The following DMD variants were observed in gnomAD, a reference collection of about 807,000 sequenced individuals.
DMD encodes the protein mutant dystrophin.
In DMD, 63 loss-of-function variants were observed where a neutral mutation model predicts 330.1. That is an observed-to-expected ratio of 0.19 (90% CI 0.16 to 0.24). DMD has a LOEUF of 0.24. Ranked by LOEUF, DMD falls within the 10% of genes least tolerant of loss-of-function variation. The pLI, the probability that DMD is intolerant of heterozygous loss-of-function variation, is 1.00. For missense variants in DMD, 3,344 were observed against 2,684.1 expected, an observed-to-expected ratio of 1.25 and a Z score of -5.43; for synonymous variants, 1,223 against 959.8, an observed-to-expected ratio of 1.27 and a Z score of -5.07.
chrX:32,440,868 G>C (rs1012676057), intron 28 of DMD, among the ~76,000 whole-genome samples: 1 of 111,295 alleles, frequency 9.0e-6, no homozygotes, highest in African/African-American at 3.3e-5. Flanking sequence ...CCCTAAAGCA[G>C]TGAGTTTGTT....
chrX:32,522,117 C>A (rs1373613192), intron 17 of DMD, among the ~76,000 whole-genome samples: 2 of 111,982 alleles, frequency 1.8e-5, no homozygotes, highest in Non-Finnish European at 3.8e-5. Context: ...TTTGTTACAG[C>A]AAACCAACTA....
intron 30 of DMD, among the ~76,000 whole-genome samples, chrX:32,404,835 ATGAAT>A (rs772956551): frequency 8.9e-6 from 1 of 111,971 alleles, no homozygotes; most frequent in Non-Finnish European, 1.9e-5. Flanking sequence ...TTAGAAAAAA[ATGAAT>A]TGAAGAAAGC....
intron 67 of DMD, among the ~76,000 whole-genome samples, chrX:31,196,897 A>T (rs2042961716): frequency 9.4e-6 from 1 of 106,687 alleles, no homozygotes; most frequent in Non-Finnish European, 1.9e-5. Context: ...AATGCTGTCT[A>T]ACCAGCCAAA....
At chrX:32,288,957 G>A (rs189777954) in intron 42 of DMD, among the ~76,000 whole-genome samples, 3 of 111,530 alleles carry the variant, frequency 2.7e-5, no homozygotes, top group African/African-American at 9.8e-5. Context: ...ATAAAAACCT[G>A]GATCAGTATT....
intron 44 of DMD, among the ~76,000 whole-genome samples, chrX:32,121,524 C>T (rs368713273): frequency 2.7e-4 from 28 of 102,534 alleles, no homozygotes; most frequent in East Asian, 2.2e-3. Context: ...AGTTAGGGGA[C>T]GACAAAAAGT....
intron 60 of DMD, among the ~76,000 whole-genome samples, chrX:31,404,919 A>G (rs1415991957): frequency 8.9e-6 from 1 of 112,353 alleles, no homozygotes; most frequent in Non-Finnish European, 1.9e-5. Context: ...CGAACAGAAC[A>G]TTATTATGAA....
rs754706072 is a variant in DMD, at chrX:32,644,140, T to C, written c.1323A>G (p.Lys441=). 7 of 1,205,375 alleles carry C rather than the reference T, an allele frequency of 5.8e-6. No homozygotes were observed. In the Admixed American group the frequency reaches 8.8e-5, roughly 15 times the overall value. The stretch of plus-strand genomic sequence containing the variant: ...AACAAATAAGGACTTACTTGCTTTG[T>C]TTTTCCATGCTAGCTACCCTGAGGC... The part of the protein sequence containing the change: ...WECLRVASME[K]QSNLHRVLMD... Residue 441 remains lysine, a synonymous_variant, in exon 11 of 79, where the codon AAA becomes AAG. Coordinates refer to ENST00000357033, the MANE Select transcript of DMD (RefSeq NM_004006.3).
intron 60 of DMD, among the ~76,000 whole-genome samples, chrX:31,368,802 A>G (rs1168241275): frequency 9.0e-6 from 1 of 110,503 alleles, no homozygotes; most frequent in Non-Finnish European, 1.9e-5. Context: ...TGTGCCACCA[A>G]GCCCAGCTAA....
chrX:31,506,792 T>C (rs763119481), intron 56 of DMD, among the ~76,000 whole-genome samples: 7 of 112,301 alleles, frequency 6.2e-5, no homozygotes, highest in Non-Finnish European at 1.1e-4. Flanking sequence ...AGTCTCTCTT[T>C]AACTGTAGGA....
intron 55 of DMD, among the ~76,000 whole-genome samples, chrX:31,617,324 C>A (rs1228896836): frequency 9.0e-6 from 1 of 110,639 alleles, no homozygotes; most frequent in Admixed American, 9.5e-5. Context: ...CACCTGAGGT[C>A]AGGAGTTTGC....
At chrX:32,604,224 T>C (rs762486689) in intron 12 of DMD, among the ~76,000 whole-genome samples, 7 of 110,078 alleles carry the variant, frequency 6.4e-5, no homozygotes, top group Non-Finnish European at 1.1e-4. Flanking sequence ...CATAACACAA[T>C]ATATGTTTTG....
chrX:32,541,396 A>C (rs1341357808), intron 17 of DMD, among the ~76,000 whole-genome samples: 7 of 111,411 alleles, frequency 6.3e-5, no homozygotes, highest in African/African-American at 2.3e-4. Flanking sequence ...GAATCGAACC[A>C]CTGCATTTAT....
At chrX:31,997,858 G>C (rs2095599384) in intron 44 of DMD, among the ~76,000 whole-genome samples, 1 of 111,645 alleles carries the variant, frequency 9.0e-6, no homozygotes. Flanking sequence ...CCCTAAAAAG[G>C]ATTTCCTGGC....
rs1191335690 is a variant in DMD, at chrX:32,536,264, C to CAAAAAAAAAAAA, written c.2168+8883_2168+8894dup. ...TGGCAACAGAGTGAGACTCCGTCTC[C>CAAAAAAAAAAAA]AAAAAAAAAAAAAAAAAAAAAAAAC... On this transcript the variant is annotated intron_variant, in intron 17 of 78. Coordinates refer to ENST00000357033, the MANE Select transcript of DMD (RefSeq NM_004006.3). Among the ~76,000 whole-genome samples the CAAAAAAAAAAAA allele has an allele frequency of 1.6e-3, 58 of 36,343 alleles. 8 individuals are homozygous for CAAAAAAAAAAAA. Among genetic ancestry groups the CAAAAAAAAAAAA allele is most frequent in the African/African-American group, 6.7e-3 (56 of 8,375 alleles). The allele number at this position is 36,343 out of a possible 115,157, so 31.6% of individuals were successfully genotyped here. A position where few individuals can be genotyped will look rare whatever the true frequency, so the allele number is the denominator to read the frequency against.
intron 1 of DMD, among the ~76,000 whole-genome samples, chrX:33,217,974 A>G (rs757799886): frequency 9.0e-5 from 10 of 111,445 alleles, no homozygotes; most frequent in Non-Finnish European, 1.5e-4. Context: ...ACTATGAATA[A>G]TAGTAGGGCT....
At chrX:33,207,819 T>C (rs765221076) in intron 1 of DMD, among the ~76,000 whole-genome samples, 4 of 111,634 alleles carry the variant, frequency 3.6e-5, no homozygotes, top group Non-Finnish European at 7.5e-5. Flanking sequence ...AAGATCAGTA[T>C]ACTGCATTGA....
At chrX:32,249,688 C>A (rs768608297) in intron 43 of DMD, among the ~76,000 whole-genome samples, 1 of 111,901 alleles carries the variant, frequency 8.9e-6, no homozygotes, top group African/African-American at 3.2e-5. Context: ...ACTCACTTAT[C>A]CCTGGAAAAG....
intron 18 of DMD, chrX:32,517,490 C>A (rs959579283): frequency 8.9e-6 from 1 of 112,839 alleles, no homozygotes; most frequent in African/African-American, 3.2e-5. Flanking sequence ...GGCTGGACAC[C>A]TTTTAGATAA....
At chrX:31,831,654 A>T (rs748960933) in intron 49 of DMD, among the ~76,000 whole-genome samples, 1 of 111,494 alleles carries the variant, frequency 9.0e-6, no homozygotes, top group South Asian at 3.8e-4. Context: ...GCTGGAGTGC[A>T]GTGGCGTGAT....
Sources: gnomAD v4.1 joint callset for allele counts (sites outside exome capture counted in the v4.1 genomes callset) on GRCh38, gnomAD v4.1.1 for gene constraint, MANE v1.5 for transcripts, NCBI Gene and HGNC (gene_info 2026-07-23, HGNC 2026-07-21) for gene names.